ABRAXAS2: variants seen among roughly 807,000 people sequenced by gnomAD.
The protein encoded by ABRAXAS2 is abraxas 2, BRISC complex subunit, also known as BRISC complex subunit Abraxas 2.
Under a neutral mutation model 49.0 loss-of-function variants are expected in ABRAXAS2, and 23 were observed. The observed-to-expected ratio is 0.47, with a 90% CI of 0.34 to 0.66. ABRAXAS2 has a LOEUF of 0.66. Among genes scored for constraint, ABRAXAS2 ranks in the 30% least tolerant of loss-of-function variants. The pLI, the probability that ABRAXAS2 is intolerant of heterozygous loss-of-function variation, is 0.01. For missense variants in ABRAXAS2, 443 were observed against 511.9 expected (o/e 0.87, Z 1.30); for synonymous variants, 168 against 180.2 (o/e 0.93, Z 0.54).
At chr10:124,828,250 C>A (rs752565240) in intron 5 of ABRAXAS2, among the ~76,000 whole-genome samples, 1 of 152,182 alleles carries the variant, frequency 6.6e-6, no homozygotes, top group Non-Finnish European at 1.5e-5. Flanking sequence ...GGCTGGAGTA[C>A]AGTGGCACTA....
chr10:124,824,894 A>G (rs193218700), intron 4 of ABRAXAS2, among the ~76,000 whole-genome samples: 153 of 152,252 alleles, frequency 1.0e-3, no homozygotes, highest in African/African-American at 3.5e-3. Flanking sequence ...TACCTTTTTT[A>G]TGGCCACCAT....
At chr10:124,815,675 G>C (rs1950819816) in intron 2 of ABRAXAS2, among the ~76,000 whole-genome samples, 1 of 152,138 alleles carries the variant, frequency 6.6e-6, no homozygotes, top group Admixed American at 6.5e-5. Flanking sequence ...CAAAGAAATT[G>C]TTCGCTCTGC....
intron 2 of ABRAXAS2, among the ~76,000 whole-genome samples, chr10:124,807,685 G>A (rs1950756094): frequency 6.6e-6 from 1 of 152,158 alleles, no homozygotes; most frequent in South Asian, 2.1e-4. Flanking sequence ...TCAGTATAAA[G>A]TCAGAGAAAA....
intron 1 of ABRAXAS2, among the ~76,000 whole-genome samples, chr10:124,806,313 AAAG>A (rs1382962036): frequency 6.6e-6 from 1 of 152,078 alleles, no homozygotes; most frequent in African/African-American, 2.4e-5. Context: ...CTCAAAAAAA[AAAG>A]AAAAAAAAAA....
At chr10:124,832,518 G>C (rs1323810616) in intron 8 of ABRAXAS2, among the ~76,000 whole-genome samples, 1 of 152,172 alleles carries the variant, frequency 6.6e-6, no homozygotes, top group African/African-American at 2.4e-5. Flanking sequence ...ATAACAGTCT[G>C]ATTTACTGTT....
chr10:124,808,852 G>A (rs889469392), intron 2 of ABRAXAS2, among the ~76,000 whole-genome samples: 1 of 151,960 alleles, frequency 6.6e-6, no homozygotes, highest in African/African-American at 2.4e-5. Context: ...GTTGGCTAGC[G>A]GGGTGCAGTG....
At chr10:124,824,534 C>CAAAAAAA (rs531680713) in intron 4 of ABRAXAS2, among the ~76,000 whole-genome samples, 2 of 78,192 alleles carry the variant, frequency 2.6e-5, no homozygotes, top group African/African-American at 7.9e-5. Flanking sequence ...TCTCAAAAAC[C>CAAAAAAA]AAAAAAAAAA....
At chr10:124,831,656 C>T (rs1162115984) in intron 8 of ABRAXAS2, among the ~76,000 whole-genome samples, 193 bp downstream of exon 8, 1 of 152,026 alleles carries the variant, frequency 6.6e-6, no homozygotes, top group East Asian at 1.9e-4. Flanking sequence ...CCCCTCAATT[C>T]TCTGACACTT....
chr10:124,805,249 C>G (rs1040423412), intron 1 of ABRAXAS2, among the ~76,000 whole-genome samples: 19 of 151,262 alleles, frequency 1.3e-4, no homozygotes, highest in African/African-American at 4.6e-4. Flanking sequence ...AGGAGAATGG[C>G]GTGAACCCCG....
At position 124,826,738 on chromosome 10, in the gene ABRAXAS2, C is replaced by T. The variant is rs901180519; in HGVS notation, c.411C>T (p.Asn137=). Residue 137 remains asparagine, a synonymous_variant, in exon 5 of 9, where the codon AAC becomes AAT. Transcript: ENST00000298492. ...TCTTCAGCTTCATCTCCACTGCCAA[C>T]AATTCCACTCACGCTTTAGAATATG... ...FLLFSFISTA[N]NSTHALEYVL... The T allele has an allele frequency of 7.4e-6, 12 of 1,614,084 alleles. No individual in the cohort carries two copies. The highest frequency in any genetic ancestry group is 1.3e-5 in the African/African-American group (1 of 74,932).
chr10:124,809,231 A>G (rs1950768442), intron 2 of ABRAXAS2, among the ~76,000 whole-genome samples: 1 of 152,264 alleles, frequency 6.6e-6, no homozygotes, highest in Non-Finnish European at 1.5e-5. Flanking sequence ...ATTAATTTCA[A>G]GCCTGTTCTG....
chr10:124,807,169 C>T (rs925616677), intron 2 of ABRAXAS2, among the ~76,000 whole-genome samples: 7 of 151,888 alleles, frequency 4.6e-5, no homozygotes, highest in East Asian at 1.9e-4. Context: ...AAAAATTAGC[C>T]GGGCATGGTG....
Position 124,834,983 on chromosome 10 carries a change from A to G in ABRAXAS2, c.*12A>G. The G allele has an allele frequency of 6.4e-7, 1 of 1,569,912 alleles. No homozygotes were observed. Among genetic ancestry groups the G allele is most frequent in the Non-Finnish European group, 8.6e-7 (1 of 1,158,932 alleles). ...CCTCCCAGATTTAACTAAACAAAAG[A>G]AACTCTCCACCTAGCACTGTTTTTC... is the stretch of plus-strand genomic sequence containing the variant. On this transcript the variant is annotated 3_prime_UTR_variant, in exon 9 of 9. Transcript: ENST00000298492.
At chr10:124,813,505 T>C (rs1323329499) in intron 2 of ABRAXAS2, among the ~76,000 whole-genome samples, 1 of 152,180 alleles carries the variant, frequency 6.6e-6, no homozygotes, top group Non-Finnish European at 1.5e-5. Flanking sequence ...CGAGAGGCGA[T>C]GTGTACATGA....
intron 4 of ABRAXAS2, among the ~76,000 whole-genome samples, chr10:124,822,026 T>C (rs549915033): frequency 1.3e-5 from 2 of 152,350 alleles, no homozygotes; most frequent in South Asian, 4.1e-4. Flanking sequence ...AATCATTTGC[T>C]TAAGGTCATC....
chr10:124,802,565 A>T (rs1441744205), intron 1 of ABRAXAS2, among the ~76,000 whole-genome samples: 1 of 152,196 alleles, frequency 6.6e-6, no homozygotes, highest in African/African-American at 2.4e-5. Flanking sequence ...GAGTGATGGG[A>T]AATGCATAGG....
intron 2 of ABRAXAS2, among the ~76,000 whole-genome samples, chr10:124,807,195 C>G (rs915182653): frequency 1.3e-5 from 2 of 151,622 alleles, no homozygotes; most frequent in Non-Finnish European, 2.9e-5. Context: ...CGCCTGTAGT[C>G]CCAGCTACTC....
At position 124,819,500 on chromosome 10, in the gene ABRAXAS2, C is replaced by T. The variant is rs11245376; in HGVS notation, c.267+50C>T. 12,259 of 1,498,996 alleles carry T rather than the reference C, an allele frequency of 8.2e-3. 502 individuals are homozygous for T. In the East Asian group the frequency reaches 0.11, roughly 13 times the overall value. 92.9% of individuals were successfully genotyped at this position (1,498,996 alleles called of 1,614,324 possible). On this transcript the variant is annotated intron_variant, in intron 4 of 8. Coordinates refer to ENST00000298492, the MANE Select transcript of ABRAXAS2 (RefSeq NM_032182.4). ...TGATTCTGAAATCGTTCCTTATCAC[C>T]GAAAAGATAAAACCAGACAGGAATG... is the stretch of plus-strand genomic sequence containing the variant.
At chr10:124,809,552 C>G (rs527530581) in intron 2 of ABRAXAS2, among the ~76,000 whole-genome samples, 1 of 151,958 alleles carries the variant, frequency 6.6e-6, no homozygotes, top group South Asian at 2.1e-4. Context: ...TCCCAAAGTG[C>G]TGGGATTACA....
Sources: allele counts gnomAD v4.1 joint callset (sites outside exome capture counted in the v4.1 genomes callset), GRCh38; gene constraint gnomAD v4.1.1; transcripts MANE v1.5; gene names NCBI Gene and HGNC (gene_info 2026-07-23, HGNC 2026-07-21).